The following ALDH1B1 variants were observed in gnomAD, a reference collection of about 807,000 sequenced individuals.
ALDH1B1 encodes the protein aldehyde dehydrogenase 1 family member B1.
A neutral mutation model predicts 26.2 loss-of-function variants in ALDH1B1; 19 were observed. The ratio of observed to expected loss-of-function variants is 0.72; its 90% CI spans 0.51 to 1.06. The LOEUF (loss-of-function observed/expected upper bound fraction) is 1.06, where lower values mean the gene tolerates loss of function less well. Among genes scored for constraint, ALDH1B1 ranks in the 50% least tolerant of loss-of-function variants. ALDH1B1 has a pLI of 0.00. For missense variants in ALDH1B1, 671 were observed against 683.1 expected, an observed-to-expected ratio of 0.98 and a Z score of 0.20; for synonymous variants, 249 against 286.0, an observed-to-expected ratio of 0.87 and a Z score of 1.31.
rs145426005 is a variant in ALDH1B1 at position 38,396,375 on chromosome 9, G to A, written c.627G>A (p.Lys209=). The A allele has an allele frequency of 5.1e-3, 8,311 of 1,614,148 alleles. 37 individuals carry two copies. Among genetic ancestry groups the A allele is most frequent in the Middle Eastern group, 0.014 (83 of 6,062 alleles). ...CCACAGGCAACACTGTGGTTATGAA[G>A]GTGGCAGAGCAGACCCCCCTCTCTG... The part of the protein sequence containing the change: ...ALATGNTVVM[K]VAEQTPLSAL... The change falls in exon 2 of 2, where the codon AAG becomes AAA. Residue 209 remains lysine (K), a synonymous_variant. Coordinates refer to ENST00000377698, the MANE Select transcript of ALDH1B1 (RefSeq NM_000692.5).
At chr9:38,394,977 G>T (rs1032033071) in intron 1 of ALDH1B1, among the ~76,000 whole-genome samples, 1 of 152,214 alleles carries the variant, frequency 6.6e-6, no homozygotes, top group Non-Finnish European at 1.5e-5. Context: ...GAGACCTGTG[G>T]TTGGGGGATG....
In ALDH1B1 at chr9:38,397,029, C is replaced by T. The variant is rs1374698389; in HGVS notation, c.1281C>T (p.Phe427=). ...GGCCTGTGCAGCCCCTGTTCAAGTT[C>T]AAGAAGATTGAGGAGGTGGTTGAGA... ...IFGPVQPLFK[F]KKIEEVVERA... The change falls in exon 2 of 2, where the codon TTC becomes TTT. Residue 427 remains phenylalanine, a synonymous_variant. Coordinates refer to ENST00000377698, the MANE Select transcript of ALDH1B1 (RefSeq NM_000692.5). 5 of 1,614,160 alleles carry T rather than the reference C, an allele frequency of 3.1e-6. No individual in the cohort carries two copies. Among genetic ancestry groups the T allele is most frequent in the Non-Finnish European group, 2.5e-6 (3 of 1,180,032 alleles).
At position 38,395,825 on chromosome 9, in the gene ALDH1B1, C is replaced by A; in HGVS notation, c.77C>A (p.Pro26Gln). Residue 26 changes from proline to glutamine, a missense_variant, in exon 2 of 2, where the codon CCA becomes CAA. By Grantham distance (76) the Pro-to-Gln change is moderately conservative (BLOSUM62 -1). Transcript: ENST00000377698. ...CGCTACTCCTCGGCAGCAGCCCTCC[C>A]AAGCCCCATTCTGAACCCAGACATC... ...TARYSSAAAL[P>Q]SPILNPDIPY... The A allele has an allele frequency of 6.2e-7, 1 of 1,613,138 alleles. No homozygotes were observed. Among genetic ancestry groups the A allele is most frequent in the Non-Finnish European group, 8.5e-7 (1 of 1,180,024 alleles).
chr9:38,397,515 C>T lies in ALDH1B1; in HGVS notation c.*213C>T. On this transcript the variant is annotated 3_prime_UTR_variant, in exon 2 of 2. Coordinates refer to ENST00000377698, the MANE Select transcript of ALDH1B1 (RefSeq NM_000692.5). ...AGAGTTCTACCTATCTAACCCCCAACCACAGCCCCCTTGGTGGCCCATGAG... is the reference window on the plus strand; with the variant it reads ...AGAGTTCTACCTATCTAACCCCCAATCACAGCCCCCTTGGTGGCCCATGAG... 1 of 675,516 alleles carries T rather than the reference C, an allele frequency of 1.5e-6. No homozygotes were observed. Among genetic ancestry groups the T allele is most frequent in the Non-Finnish European group, 2.4e-6 (1 of 416,964 alleles). 41.8% of individuals were successfully genotyped at this position (675,516 alleles called of 1,614,324 possible).
At position 38,396,737 on chromosome 9, in the gene ALDH1B1, C is replaced by A. The variant is rs1314696130; in HGVS notation, c.989C>A (p.Ser330Tyr). ...CAGSRTFVEE[S>Y]IYNEFLERTV... Reference sequence around the variant, plus strand: ...GGCTCCCGGACCTTCGTGGAAGAATCCATCTACAATGAGTTTCTCGAGAGA... The same window carrying A: ...GGCTCCCGGACCTTCGTGGAAGAATACATCTACAATGAGTTTCTCGAGAGA... The change falls in exon 2 of 2, where the codon TCC becomes TAC. Residue 330 changes from serine (S) to tyrosine (Y), a missense_variant. Transcript: ENST00000377698. The A allele has an allele frequency of 6.2e-7, 1 of 1,614,190 alleles. No individual in the cohort carries two copies. The highest frequency in any genetic ancestry group is 2.2e-5 in the East Asian group (1 of 44,884).
rs892406945 is a variant in ALDH1B1 at position 38,395,889 on chromosome 9, T to A, written c.141T>A (p.Asp47Glu). Residue 47 changes from aspartate (D) to glutamate (E), a missense_variant, in exon 2 of 2, where the codon GAT (aspartate) becomes GAA (glutamate). Physicochemically the swap from Asp to Glu is conservative, Grantham distance 45. Coordinates refer to ENST00000377698, the MANE Select transcript of ALDH1B1 (RefSeq NM_000692.5). ...NQLFINNEWQ[D>E]AVSKKTFPTV... is the part of the protein sequence containing the mutation. Reference sequence around the variant, plus strand: ...TGTTCATCAACAATGAATGGCAAGATGCAGTCAGCAAGAAGACCTTCCCGA... The same window carrying A: ...TGTTCATCAACAATGAATGGCAAGAAGCAGTCAGCAAGAAGACCTTCCCGA... 1.9e-6 allele frequency: 3 copies of A among 1,613,740 alleles called. No individual in the cohort carries two copies. The East Asian group carries it at 6.7e-5, about 36-fold the overall frequency.
rs977514915 is a variant in ALDH1B1, at chr9:38,397,582, A to G, written c.*280A>G. On this transcript the variant is annotated 3_prime_UTR_variant, in exon 2 of 2. Coordinates refer to ENST00000377698, the MANE Select transcript of ALDH1B1 (RefSeq NM_000692.5). ...TTAGGAGTCTCTGGAGGACAGATTAAAAACCAGTGATCTGTAATTTGTAGC... is the reference window on the plus strand; with the variant it reads ...TTAGGAGTCTCTGGAGGACAGATTAGAAACCAGTGATCTGTAATTTGTAGC... 2.6e-6 allele frequency: 1 copy of G among 388,776 alleles called. No individual in the cohort carries two copies. The highest frequency in any genetic ancestry group is 4.8e-6 in the Non-Finnish European group (1 of 208,394). The allele number at this position is 388,776 out of a possible 1,614,324, so 24.1% of individuals were successfully genotyped here.
rs1821308045 is a variant in ALDH1B1, at chr9:38,397,026, G to A, written c.1278G>A (p.Lys426=). Residue 426 remains lysine, a synonymous_variant, in exon 2 of 2, where the codon AAG becomes AAA. Coordinates refer to ENST00000377698, the MANE Select transcript of ALDH1B1 (RefSeq NM_000692.5). ...TTGGGCCTGTGCAGCCCCTGTTCAAGTTCAAGAAGATTGAGGAGGTGGTTG... is the reference window on the plus strand; with the variant it reads ...TTGGGCCTGTGCAGCCCCTGTTCAAATTCAAGAAGATTGAGGAGGTGGTTG... The part of the protein sequence containing the change: ...EIFGPVQPLF[K]FKKIEEVVER... The A allele has an allele frequency of 6.2e-7, 1 of 1,614,232 alleles. No homozygotes were observed. The highest frequency in any genetic ancestry group is 8.5e-7 in the Non-Finnish European group (1 of 1,180,036).
chr9:38,393,746 C>T (rs920556358), intron 1 of ALDH1B1, among the ~76,000 whole-genome samples: 10 of 152,182 alleles, frequency 6.6e-5, no homozygotes, highest in Non-Finnish European at 1.5e-4. Context: ...GACTCAGCTT[C>T]CCCCTGTGGG....
chr9:38,392,862 C>T, intron 1 of ALDH1B1, 55 bp downstream of exon 1: 1 of 986,018 alleles, frequency 1.0e-6, no homozygotes, highest in Non-Finnish European at 1.2e-6. Flanking sequence ...CTCCTGGCTC[C>T]GCGTGGGGGC....
In ALDH1B1 at chr9:38,397,477, G is replaced by A; in HGVS notation, c.*175G>A. ...AGGCTGTTCTATTTAAATCAGAGAT[G>A]GGGACCAGGCTCAGAGTTCTACCTA... is the stretch of plus-strand genomic sequence containing the variant. On this transcript the variant is annotated 3_prime_UTR_variant, in exon 2 of 2. Coordinates refer to ENST00000377698, the MANE Select transcript of ALDH1B1 (RefSeq NM_000692.5). 1.0e-6 allele frequency: 1 copy of A among 996,584 alleles called. No individual in the cohort carries two copies. The highest frequency in any genetic ancestry group is 1.4e-6 in the Non-Finnish European group (1 of 693,932). The allele number at this position is 996,584 out of a possible 1,614,324, so 61.7% of individuals were successfully genotyped here.
chr9:38,397,511 C>A lies in ALDH1B1; in HGVS notation c.*209C>A. ...GCTCAGAGTTCTACCTATCTAACCCCCAACCACAGCCCCCTTGGTGGCCCA... is the reference window on the plus strand; with the variant it reads ...GCTCAGAGTTCTACCTATCTAACCCACAACCACAGCCCCCTTGGTGGCCCA... On this transcript the variant is annotated 3_prime_UTR_variant, in exon 2 of 2. Coordinates refer to ENST00000377698, the MANE Select transcript of ALDH1B1 (RefSeq NM_000692.5). The A allele has an allele frequency of 1.4e-6, 1 of 692,248 alleles. No individual in the cohort carries two copies. Among genetic ancestry groups the A allele is most frequent in the Non-Finnish European group, 2.3e-6 (1 of 430,124 alleles). 42.9% of individuals were successfully genotyped at this position (692,248 alleles called of 1,614,324 possible). A position where few individuals can be genotyped will look rare whatever the true frequency, so the allele number is the denominator to read the frequency against.
At position 38,396,196 on chromosome 9, in the gene ALDH1B1, G is replaced by C. The variant is rs1821280094; in HGVS notation, c.448G>C (p.Ala150Pro). The change falls in exon 2 of 2, where the codon GCT becomes CCT. Residue 150 changes from alanine (A) to proline (P), a missense_variant. Coordinates refer to ENST00000377698, the MANE Select transcript of ALDH1B1 (RefSeq NM_000692.5). Reference sequence around the variant, plus strand: ...GGTCATCAAGGTGTATCGGTACTTTGCTGGCTGGGCTGACAAGTGGCATGG... The same window carrying C: ...GGTCATCAAGGTGTATCGGTACTTTCCTGGCTGGGCTGACAAGTGGCATGG... ...DEVIKVYRYF[A>P]GWADKWHGKT... is the part of the protein sequence containing the mutation. 6.2e-7 allele frequency: 1 copy of C among 1,614,214 alleles called. No homozygotes were observed. Among genetic ancestry groups the C allele is most frequent in the African/African-American group, 1.3e-5 (1 of 75,076 alleles).
At position 38,395,965 on chromosome 9, in the gene ALDH1B1, C is replaced by T. The variant is rs1246181177; in HGVS notation, c.217C>T (p.Arg73Trp). 9.9e-6 allele frequency: 16 copies of T among 1,613,614 alleles called. No individual in the cohort carries two copies. The highest frequency in any genetic ancestry group is 2.2e-5 in the East Asian group (1 of 44,884). Residue 73 changes from arginine (R) to tryptophan (W), a missense_variant, in exon 2 of 2, where the codon CGG becomes TGG. By Grantham distance (101) the Arg-to-Trp change is moderately radical. Coordinates refer to ENST00000377698, the MANE Select transcript of ALDH1B1 (RefSeq NM_000692.5). ...CATTGGGCACGTGGCTGAAGGTGAC[C>T]GGGCTGATGTGGATCGGGCCGTGAA... ...EVIGHVAEGD[R>W]ADVDRAVKAA...
At chr9:38,393,503 G>A (rs943252117) in intron 1 of ALDH1B1, among the ~76,000 whole-genome samples, 3 of 152,236 alleles carry the variant, frequency 2.0e-5, no homozygotes, top group Non-Finnish European at 4.4e-5. Context: ...CCCAAGAGTA[G>A]GAACGGCCTT....
Position 38,397,395 on chromosome 9 carries a change from T to C in ALDH1B1, c.*93T>C. On this transcript the variant is annotated 3_prime_UTR_variant, in exon 2 of 2. Coordinates refer to ENST00000377698, the MANE Select transcript of ALDH1B1 (RefSeq NM_000692.5). ...AGCTGTTTTAAAGCCAAGAACACCC[T>C]TTCTTTGTTCCAAATTAACTCTTAG... is the stretch of plus-strand genomic sequence containing the variant. The C allele has an allele frequency of 7.0e-7, 1 of 1,432,214 alleles. No individual in the cohort carries two copies. Among genetic ancestry groups the C allele is most frequent in the Non-Finnish European group, 9.3e-7 (1 of 1,079,784 alleles). 88.7% of individuals were successfully genotyped at this position (1,432,214 alleles called of 1,614,324 possible).
chr9:38,394,460 T>G, intron 1 of ALDH1B1: 1 of 395,208 alleles, frequency 2.5e-6, no homozygotes, highest in Non-Finnish European at 3.4e-6. Context: ...GGCAAATTTA[T>G]TTTTGTTTTT....
intron 1 of ALDH1B1, among the ~76,000 whole-genome samples, chr9:38,393,817 C>CA (rs147464107): frequency 2.5e-5 from 2 of 80,462 alleles, no homozygotes; most frequent in African/African-American, 8.5e-5. Flanking sequence ...TTCTTAGTAT[C>CA]CCCCCCTTTT....
In ALDH1B1 at chr9:38,397,426, A is replaced by G; in HGVS notation, c.*124A>G. 7.6e-7 allele frequency: 1 copy of G among 1,313,862 alleles called. No homozygotes were observed. 81.4% of individuals were successfully genotyped at this position (1,313,862 alleles called of 1,614,324 possible). ...TGTTCCAAATTAACTCTTAGAAGAA[A>G]CCCCACAAATAAAGCAATTCAATCA... is the stretch of plus-strand genomic sequence containing the variant. On this transcript the variant is annotated 3_prime_UTR_variant, in exon 2 of 2. Transcript: ENST00000377698.
Sources: allele counts gnomAD v4.1 joint callset (sites outside exome capture counted in the v4.1 genomes callset), GRCh38; gene constraint gnomAD v4.1.1; transcripts MANE v1.5; gene names NCBI Gene and HGNC (gene_info 2026-07-23, HGNC 2026-07-21).